The following ZMAT4 variants were observed in gnomAD, a reference collection of about 807,000 sequenced individuals.
The protein encoded by ZMAT4 is zinc finger matrin-type protein 4.
ZMAT4 carries 17 observed loss-of-function variants against 28.7 expected under a neutral mutation model. The ratio of observed to expected loss-of-function variants is 0.59; its 90% CI spans 0.41 to 0.89. The LOEUF (loss-of-function observed/expected upper bound fraction) is 0.89. Ranked by LOEUF, ZMAT4 falls within the 40% of genes least tolerant of loss-of-function variation. ZMAT4 has a pLI of 0.00. For synonymous variants in ZMAT4, 117 were observed against 109.2 expected (o/e 1.07, Z -0.44); for missense variants, 240 against 283.8 (o/e 0.85, Z 1.11).
chr8:40,534,082 T>G lies in ZMAT4; in HGVS notation c.675-1844A>C, dbSNP rs543025612. 4.7e-5 allele frequency among the ~76,000 whole-genome samples: 7 copies of G among 148,712 alleles called. 1 individual carries two copies. In the South Asian group the frequency reaches 1.3e-3, roughly 27 times the overall value. ...AGTTAGAGAAAATCAGATGAAAGGG[T>G]TTTTTTTTTAAACTTATAGTAAAAG... On this transcript the variant is annotated intron_variant, in intron 6 of 6. Transcript: ENST00000297737.
chr8:40,551,877 T>C (rs1203589754), intron 6 of ZMAT4, among the ~76,000 whole-genome samples: 1 of 152,154 alleles, frequency 6.6e-6, no homozygotes, highest in East Asian at 1.9e-4. Flanking sequence ...CTCCTTGCAG[T>C]GAGACACATA....
At chr8:40,681,920 C>T (rs941626556) in intron 4 of ZMAT4, among the ~76,000 whole-genome samples, 3 of 151,666 alleles carry the variant, frequency 2.0e-5, no homozygotes, top group African/African-American at 4.8e-5. Context: ...ATTTAGAGAC[C>T]TGGGGACATG....
intron 4 of ZMAT4, among the ~76,000 whole-genome samples, chr8:40,685,711 T>C (rs1324716090): frequency 6.6e-6 from 1 of 151,968 alleles, no homozygotes; most frequent in African/African-American, 2.4e-5. Flanking sequence ...TTCAAAGCAC[T>C]AGGCAGCTGA....
At chr8:40,896,996 C>A (rs571181469) in intron 1 of ZMAT4, among the ~76,000 whole-genome samples, 143 of 148,652 alleles carry the variant, frequency 9.6e-4, no homozygotes, top group African/African-American at 3.3e-3. Context: ...TTTCAGGATA[C>A]CCCAAGCCTG....
In ZMAT4 at chr8:40,809,872, C is replaced by T. The variant is rs374895261; in HGVS notation, c.102+15703G>A. ...CAGCCTGGCCAACATGGTGAAACCC[C>T]ATCTCTACTAAAAATACAAAAATTA... On this transcript the variant is annotated intron_variant, in intron 2 of 6. Transcript: ENST00000297737. Among the ~76,000 whole-genome samples the T allele has an allele frequency of 2.3e-4, 35 of 152,070 alleles. No homozygotes were observed. The East Asian group carries it at 5.0e-3, about 22-fold the overall frequency.
chr8:40,601,623 AAAGAAAGAAAG>A (rs1805358568), intron 5 of ZMAT4, among the ~76,000 whole-genome samples: 1 of 26,466 alleles, frequency 3.8e-5, no homozygotes, highest in Admixed American at 2.8e-4. Context: ...AGAAAGAAAG[AAAGAAAGAAAG>A]AGAAAGAAAG....
chr8:40,714,246 A>G (rs1343838239), intron 3 of ZMAT4, among the ~76,000 whole-genome samples: 2 of 152,204 alleles, frequency 1.3e-5, no homozygotes, highest in East Asian at 3.8e-4. Context: ...AATTTATTCT[A>G]GGAAAATTAT....
At chr8:40,667,947 C>T (rs1808498600) in intron 5 of ZMAT4, among the ~76,000 whole-genome samples, 1 of 151,874 alleles carries the variant, frequency 6.6e-6, no homozygotes, top group South Asian at 2.1e-4. Flanking sequence ...AATACTTTTG[C>T]CCTCATATTG....
intron 2 of ZMAT4, among the ~76,000 whole-genome samples, chr8:40,802,399 A>G (rs978213128): frequency 3.9e-5 from 6 of 152,202 alleles, no homozygotes; most frequent in Admixed American, 2.6e-4. Flanking sequence ...CAAGGCTAGT[A>G]TATAAAAGTC....
intron 1 of ZMAT4, among the ~76,000 whole-genome samples, chr8:40,833,103 T>G (rs965565647): frequency 6.6e-6 from 1 of 152,166 alleles, no homozygotes; most frequent in Admixed American, 6.5e-5. Context: ...TTCGTGATCA[T>G]CTCTGCCATG....
chr8:40,729,623 T>A (rs1455744276), intron 3 of ZMAT4, among the ~76,000 whole-genome samples: 1 of 144,972 alleles, frequency 6.9e-6, no homozygotes, highest in Non-Finnish European at 1.5e-5. Context: ...TGAGAAGGAG[T>A]CTCGCTCTGT....
intron 3 of ZMAT4, among the ~76,000 whole-genome samples, chr8:40,740,220 T>C (rs899069305): frequency 6.6e-6 from 1 of 152,204 alleles, no homozygotes; most frequent in Admixed American, 6.5e-5. Flanking sequence ...TGCCACACTG[T>C]CTTCCACAAT....
At chr8:40,827,340 T>A (rs1248945302) in intron 1 of ZMAT4, among the ~76,000 whole-genome samples, 2 of 152,162 alleles carry the variant, frequency 1.3e-5, no homozygotes, top group African/African-American at 4.8e-5. Context: ...TTGAAAGGGA[T>A]CAGTAGTATA....
chr8:40,697,533 G>A, intron 3 of ZMAT4, 132 bp from the exon 4 acceptor site: 2 of 783,080 alleles, frequency 2.6e-6, no homozygotes, highest in Non-Finnish European at 3.5e-6. Flanking sequence ...CTCTCTTTTT[G>A]CCTTGCTTTC....
At chr8:40,559,643 T>C (rs1399114422) in intron 6 of ZMAT4, among the ~76,000 whole-genome samples, 2 of 152,112 alleles carry the variant, frequency 1.3e-5, no homozygotes, top group East Asian at 1.9e-4. Flanking sequence ...AAAGTCTCCC[T>C]TCAAAATTTA....
chr8:40,647,840 T>G (rs1184402033), intron 5 of ZMAT4, among the ~76,000 whole-genome samples: 1 of 152,030 alleles, frequency 6.6e-6, no homozygotes, highest in Non-Finnish European at 1.5e-5. Context: ...CGCAGGGTAT[T>G]CCAACAGACC....
intron 5 of ZMAT4, among the ~76,000 whole-genome samples, chr8:40,584,025 G>A (rs1248065871): frequency 6.6e-6 from 1 of 152,120 alleles, no homozygotes; most frequent in African/African-American, 2.4e-5. Context: ...TTGTGAGGGA[G>A]GTGTGTAGCT....
At chr8:40,602,014 C>G (rs1015335316) in intron 5 of ZMAT4, among the ~76,000 whole-genome samples, 3 of 152,140 alleles carry the variant, frequency 2.0e-5, no homozygotes, top group Non-Finnish European at 4.4e-5. Flanking sequence ...TCCTTCTCCC[C>G]CTTCTGCCCT....
At chr8:40,598,949 G>T (rs1805197017) in intron 5 of ZMAT4, among the ~76,000 whole-genome samples, 1 of 152,058 alleles carries the variant, frequency 6.6e-6, no homozygotes, top group Non-Finnish European at 1.5e-5. Context: ...GAGTTTGACT[G>T]CAAAATAGTT....
Sources: allele counts gnomAD v4.1 joint callset (sites outside exome capture counted in the v4.1 genomes callset), GRCh38; gene constraint gnomAD v4.1.1; transcripts MANE v1.5; gene names NCBI Gene and HGNC (gene_info 2026-07-23, HGNC 2026-07-21).